The following XKR9 variants were observed in gnomAD, a reference collection of about 807,000 sequenced individuals.
XKR9 encodes the protein XK-related protein 9.
Under a neutral mutation model 32.0 loss-of-function variants are expected in XKR9, and 32 were observed. That is an observed-to-expected ratio of 1.00 (90% CI 0.76 to 1.34). The LOEUF is 1.34. Ranked by LOEUF, XKR9 falls within the 40% of genes most tolerant of loss-of-function variation. The pLI is 0.00. For missense variants in XKR9, 546 were observed against 429.7 expected (o/e 1.27, Z -2.39); for synonymous variants, 168 against 143.4 (o/e 1.17, Z -1.22).
the XKR9 span, among the ~76,000 whole-genome samples, chr8:70,993,547 A>C: frequency 6.6e-6 from 1 of 152,032 alleles, no homozygotes; most frequent in African/African-American, 2.4e-5. Context: ...ATTTAGTTGC[A>C]TCACTACCAT....
chr8:70,751,480 TG>T (rs559689989), intron 2 of XKR9, among the ~76,000 whole-genome samples: 364 of 152,280 alleles, frequency 2.4e-3, no homozygotes, highest in African/African-American at 8.5e-3. Flanking sequence ...CCCAGATACC[TG>T]GTAAAGCATT....
chr8:70,801,520 C>T, the XKR9 span, among the ~76,000 whole-genome samples: 1 of 152,082 alleles, frequency 6.6e-6, no homozygotes, highest in African/African-American at 2.4e-5. Context: ...GTGCTGTGAT[C>T]TGAGAGTGTG....
At chr8:70,794,849 G>GT (rs1563483072), downstream of XKR9, among the ~76,000 whole-genome samples, 2 of 150,482 alleles carry the variant, frequency 1.3e-5, no homozygotes, top group African/African-American at 2.4e-5. Context: ...GTGTGTGTGT[G>GT]GTATATTTGT....
intron 1 of XKR9, among the ~76,000 whole-genome samples, chr8:70,670,865 T>C (rs1818693618): frequency 6.6e-6 from 1 of 152,034 alleles, no homozygotes; most frequent in Non-Finnish European, 1.5e-5. Flanking sequence ...ATGATAGCCA[T>C]CAATTAATGG....
At chr8:71,009,552 A>G in the XKR9 span, among the ~76,000 whole-genome samples, 1 of 152,136 alleles carries the variant, frequency 6.6e-6, no homozygotes, top group African/African-American at 2.4e-5. Context: ...TTCTCTTAGG[A>G]TTGTTTTGGG....
rs1358094704 is a variant in XKR9 at position 70,735,806 on chromosome 8, T to C, written c.*1382T>C. 6 of 152,094 alleles carry C rather than the reference T, an allele frequency of 3.9e-5. No individual in the cohort carries two copies. 9.4% of individuals were successfully genotyped at this position (152,094 alleles called of 1,614,324 possible). A position where few individuals can be genotyped will look rare whatever the true frequency, so the allele number is the denominator to read the frequency against. ...AAGGACATGAACTCATCATTTTTTATGGCTGCATAGTATTCCATGGTGTAT... is the reference window on the plus strand; with the variant it reads ...AAGGACATGAACTCATCATTTTTTACGGCTGCATAGTATTCCATGGTGTAT... On this transcript the variant is annotated 3_prime_UTR_variant, in exon 5 of 5. Coordinates refer to ENST00000408926, the MANE Select transcript of XKR9 (RefSeq NM_001011720.2).
chr8:70,908,489 T>C, the XKR9 span, among the ~76,000 whole-genome samples: 2 of 152,210 alleles, frequency 1.3e-5, no homozygotes, highest in East Asian at 3.8e-4. Context: ...ACTTGAAATA[T>C]GCAGTTGATT....
intron 3 of XKR9, among the ~76,000 whole-genome samples, chr8:70,697,345 T>C (rs1218086696): frequency 6.6e-6 from 1 of 151,434 alleles, no homozygotes; most frequent in Non-Finnish European, 1.5e-5. Flanking sequence ...CTTATTATTT[T>C]GAGATATGTC....
the XKR9 span, among the ~76,000 whole-genome samples, chr8:70,928,130 C>A: frequency 6.6e-6 from 1 of 152,172 alleles, no homozygotes; most frequent in Non-Finnish European, 1.5e-5. Context: ...GCAACCTCAA[C>A]CTTCTGGGCT....
chr8:70,821,189 A>T, the XKR9 span, among the ~76,000 whole-genome samples: 44 of 152,350 alleles, frequency 2.9e-4, no homozygotes, highest in Admixed American at 2.8e-3. Context: ...GCCCCATGCA[A>T]GTCTGAAATC....
chr8:70,926,446 T>A, the XKR9 span, among the ~76,000 whole-genome samples: 2 of 152,260 alleles, frequency 1.3e-5, no homozygotes, highest in Admixed American at 6.5e-5. Context: ...TGAAAAACTT[T>A]TTCTCTTTTA....
chr8:70,736,459 C>A (rs1209048079), downstream of XKR9, among the ~76,000 whole-genome samples: 2 of 152,150 alleles, frequency 1.3e-5, no homozygotes, highest in Non-Finnish European at 2.9e-5. Flanking sequence ...TGTGCAGAAG[C>A]TCTTTATTTT....
the XKR9 span, among the ~76,000 whole-genome samples, chr8:70,892,521 G>T: frequency 6.6e-6 from 1 of 152,004 alleles, no homozygotes; most frequent in Non-Finnish European, 1.5e-5. Context: ...TTATAGGGCT[G>T]GTCTAACAGT....
At chr8:70,699,533 C>T (rs998395958) in intron 3 of XKR9, among the ~76,000 whole-genome samples, 12 of 152,268 alleles carry the variant, frequency 7.9e-5, no homozygotes, top group Middle Eastern at 6.8e-3. Flanking sequence ...TGGCTTGTAG[C>T]GTTTCTGCTG....
chr8:71,050,234 GAGATATATATAT>G, the XKR9 span, among the ~76,000 whole-genome samples: 57 of 95,986 alleles, frequency 5.9e-4, no homozygotes, highest in African/African-American at 2.0e-3. Flanking sequence ...ATGCCTGGCA[GAGATATATATAT>G]ATATATATAT....
the XKR9 span, among the ~76,000 whole-genome samples, chr8:70,932,661 G>T: frequency 6.6e-6 from 1 of 152,124 alleles, no homozygotes; most frequent in Non-Finnish European, 1.5e-5. Context: ...TTTCTCCCGA[G>T]GCCCTTCTCC....
At chr8:70,740,370 T>C (rs891055105), downstream of XKR9, among the ~76,000 whole-genome samples, 1 of 152,100 alleles carries the variant, frequency 6.6e-6, no homozygotes, top group South Asian at 2.1e-4. Context: ...TACATTTGTC[T>C]AAATTTTTTT....
chr8:70,794,339 T>G (rs1807801566), downstream of XKR9, among the ~76,000 whole-genome samples: 1 of 152,070 alleles, frequency 6.6e-6, no homozygotes, highest in South Asian at 2.1e-4. Context: ...TGGATCCCTT[T>G]TATTTCTTTC....
chr8:70,906,635 A>G, the XKR9 span, among the ~76,000 whole-genome samples: 1 of 152,232 alleles, frequency 6.6e-6, no homozygotes, highest in Non-Finnish European at 1.5e-5. Context: ...ATCTACATAA[A>G]TTATGTGCCA....
Sources: allele counts gnomAD v4.1 joint callset (sites outside exome capture counted in the v4.1 genomes callset), GRCh38; gene constraint gnomAD v4.1.1; transcripts MANE v1.5; gene names NCBI Gene and HGNC (gene_info 2026-07-23, HGNC 2026-07-21).